AHI1: variants seen among roughly 807,000 people sequenced by gnomAD.
The protein encoded by AHI1 is jouberin.
In AHI1, 123 loss-of-function variants were observed where a neutral mutation model predicts 149.3. The observed-to-expected ratio is 0.82, with a 90% confidence interval of 0.71 to 0.96. The LOEUF (loss-of-function observed/expected upper bound fraction) is 0.96, where lower values mean the gene tolerates loss of function less well. Among genes scored for constraint, AHI1 ranks in the 40% least tolerant of loss-of-function variants. The pLI, the probability that AHI1 is intolerant of heterozygous loss-of-function variation, is 0.00. For synonymous variants in AHI1, 475 were observed against 459.8 expected (o/e 1.03, Z -0.42); for missense variants, 1,439 against 1,422.7 (o/e 1.01, Z -0.18).
rs759208171 is a variant in AHI1 at position 135,447,011 on chromosome 6, C to T, written c.1776G>A (p.Gly592=). ...KEVIKWKRLP[G]QACRIPNKHL... ...CCACTATTATCAAACACTTCACCTG[C>T]CCAGGGAGTCGTTTCCACTTTATTA... is the stretch of plus-strand genomic sequence containing the variant. The change falls in exon 13 of 29, where the codon GGG becomes GGA. Residue 592 remains glycine, a synonymous_variant. Transcript: ENST00000265602. 20 of 1,609,236 alleles carry T rather than the reference C, an allele frequency of 1.2e-5. No individual in the cohort carries two copies. The highest frequency in any genetic ancestry group is 1.7e-5 in the Admixed American group (1 of 59,378).
intron 25 of AHI1, among the ~76,000 whole-genome samples, chr6:135,319,502 G>A (rs1786483495): frequency 6.6e-6 from 1 of 152,092 alleles, no homozygotes; most frequent in African/African-American, 2.4e-5. Context: ...AATTTGGGAA[G>A]ACGATATGAA....
In AHI1 at chr6:135,433,045, G is replaced by GT. The variant is rs1445681647; in HGVS notation, c.2247dup (p.Leu750ThrfsTer4). 10 of 1,611,590 alleles carry GT rather than the reference G, an allele frequency of 6.2e-6. No homozygotes were observed. In the Admixed American group the frequency reaches 8.3e-5, roughly 13 times the overall value. ...GACATACCTTCAGTATCAAAACAAA[G>GT]TGAGTTGATAAAACTTTTGTGAACA... On this transcript the variant is annotated frameshift_variant, in exon 16 of 29. Transcript: ENST00000265602. LOFTEE classifies it high-confidence loss of function.
chr6:135,493,889 A>G (rs988105813), intron 3 of AHI1, among the ~76,000 whole-genome samples: 9 of 152,314 alleles, frequency 5.9e-5, no homozygotes, highest in Non-Finnish European at 8.8e-5. Context: ...CCAAAAATAC[A>G]AAACTTAGTC....
chr6:135,333,709 G>A (rs1047139888), intron 24 of AHI1, among the ~76,000 whole-genome samples: 2 of 152,066 alleles, frequency 1.3e-5, no homozygotes, highest in Admixed American at 6.5e-5. Flanking sequence ...TAAAGGTGTT[G>A]GAAAGAATAC....
At chr6:135,349,409 G>A (rs191544537) in intron 24 of AHI1, among the ~76,000 whole-genome samples, 54 of 152,216 alleles carry the variant, frequency 3.5e-4, no homozygotes, top group East Asian at 1.9e-3. Flanking sequence ...TATACTACAC[G>A]TGTTCTCCAA....
Position 135,285,468 on chromosome 6 carries a change from A to T in AHI1, c.*177T>A. On this transcript the variant is annotated 3_prime_UTR_variant, in exon 29 of 29. Transcript: ENST00000265602. ...ACAACTGAACTCAAAGGCCACGTTG[A>T]TTTTTCCACCCACAACTTGATTCTG... 1.4e-6 allele frequency: 1 copy of T among 696,740 alleles called. No homozygotes were observed. Among genetic ancestry groups the T allele is most frequent in the Non-Finnish European group, 2.5e-6 (1 of 405,362 alleles). The allele number at this position is 696,740 out of a possible 1,614,324, so 43.2% of individuals were successfully genotyped here. A position where few individuals can be genotyped will look rare whatever the true frequency, so the allele number is the denominator to read the frequency against.
At position 135,404,984 on chromosome 6, in the gene AHI1, G is replaced by A; in HGVS notation, c.2962-7C>T. On this transcript the variant is annotated splice_region_variant and splice_polypyrimidine_tract_variant and intron_variant, in intron 21 of 28. Coordinates refer to ENST00000265602, the MANE Select transcript of AHI1 (RefSeq NM_001134831.2). ...CACAGGAACGTATCACCTCCTAAAAGAAATACAATAAAATAAGGAAGTATT... is the reference window on the plus strand; with the variant it reads ...CACAGGAACGTATCACCTCCTAAAAAAAATACAATAAAATAAGGAAGTATT... 1 of 1,601,242 alleles carries A rather than the reference G, an allele frequency of 6.2e-7. No individual in the cohort carries two copies. The highest frequency in any genetic ancestry group is 1.1e-5 in the South Asian group (1 of 90,400).
intron 23 of AHI1, among the ~76,000 whole-genome samples, chr6:135,391,002 T>C (rs1198277594): frequency 6.6e-6 from 1 of 152,238 alleles, no homozygotes; most frequent in Non-Finnish European, 1.5e-5. Flanking sequence ...AATGTTAAAA[T>C]TGTAATTTTT....
At chr6:135,432,610 C>T (rs568205186) in intron 16 of AHI1, among the ~76,000 whole-genome samples, 106 of 152,188 alleles carry the variant, frequency 7.0e-4, no homozygotes, top group African/African-American at 2.6e-3. Flanking sequence ...CCTCAGCCTC[C>T]CAAAGTGCTG....
Position 135,457,624 on chromosome 6 carries a change from C to G in AHI1, c.1021G>C (p.Asp341His). 6.2e-7 allele frequency: 1 copy of G among 1,613,926 alleles called. No individual in the cohort carries two copies. The stretch of plus-strand genomic sequence containing the variant: ...ATGTAAACTCCCAAGACAAGGTCAT[C>G]ATCAAGCAAACATTTGGGATAAACC... ...SPVYPKCLLD[D>H]DLVLGVYIHR... Residue 341 changes from aspartate (D) to histidine (H), a missense_variant, in exon 9 of 29, where the codon GAT becomes CAT. Coordinates refer to ENST00000265602, the MANE Select transcript of AHI1 (RefSeq NM_001134831.2).
chr6:135,297,610 A>G, intron 27 of AHI1: 2 of 436,540 alleles, frequency 4.6e-6, no homozygotes, highest in South Asian at 1.7e-5. Context: ...ATATCTCTCA[A>G]TGCATCTAGC....
chr6:135,395,051 A>T (rs545372483), intron 22 of AHI1, among the ~76,000 whole-genome samples, 155 bp from the exon 23 acceptor site: 1 of 152,182 alleles, frequency 6.6e-6, no homozygotes, highest in South Asian at 2.1e-4. Context: ...TAAACTTTAC[A>T]AAAGAGAATC....
chr6:135,425,300 A>G (rs938783479), intron 20 of AHI1, among the ~76,000 whole-genome samples: 1 of 151,952 alleles, frequency 6.6e-6, no homozygotes, highest in East Asian at 1.9e-4. Context: ...TGGAAATAAC[A>G]TTATGTTTTT....
At chr6:135,340,667 A>ATATATATG (rs1554283224) in intron 24 of AHI1, among the ~76,000 whole-genome samples, 2 of 115,770 alleles carry the variant, frequency 1.7e-5, no homozygotes, top group South Asian at 2.5e-4. Context: ...ACATATATAT[A>ATATATATG]TATATATATA....
At chr6:135,383,068 T>C (rs1777073949) in intron 23 of AHI1, among the ~76,000 whole-genome samples, 1 of 148,874 alleles carries the variant, frequency 6.7e-6, no homozygotes, top group Admixed American at 6.7e-5. Context: ...TATATATGAT[T>C]AATTTGGAGA....
intron 26 of AHI1, among the ~76,000 whole-genome samples, chr6:135,304,159 A>C (rs1441243605): frequency 2.0e-5 from 3 of 152,140 alleles, no homozygotes; most frequent in African/African-American, 7.2e-5. Flanking sequence ...GGCTCAGGCC[A>C]ACCTGTGGCC....
At chr6:135,300,848 A>C in intron 26 of AHI1, 1 of 1,092,558 alleles carries the variant, frequency 9.2e-7, no homozygotes, top group African/African-American at 1.7e-5. Context: ...GTTGTGAATC[A>C]GTTTAAATTA....
In AHI1 at chr6:135,466,303, G is replaced by C. The variant is rs2128098808; in HGVS notation, c.260C>G (p.Thr87Ser). The change falls in exon 7 of 29, where the codon ACT (threonine) becomes AGT (serine). Residue 87 changes from threonine (T) to serine (S), a missense_variant. By Grantham distance (58) the Thr-to-Ser change is moderately conservative. Transcript: ENST00000265602. ...TCTCGTGCTCTTCTTCAGGTTGTTA[G>C]TGTTAGCAGCACTTACATCATCACT... Reference protein sequence around the residue: ...TTSDDVSAANTNNLKKSTRVT... With the variant: ...TTSDDVSAANSNNLKKSTRVT... The C allele has an allele frequency of 6.2e-7, 1 of 1,613,894 alleles. No individual in the cohort carries two copies. Among genetic ancestry groups the C allele is most frequent in the Non-Finnish European group, 8.5e-7 (1 of 1,179,856 alleles).
At chr6:135,413,039 A>G (rs1781828294) in intron 20 of AHI1, among the ~76,000 whole-genome samples, 1 of 152,152 alleles carries the variant, frequency 6.6e-6, no homozygotes. Context: ...TCATTAAAAT[A>G]AAAAAACTTG....
Sources: gnomAD v4.1 joint callset for allele counts (sites outside exome capture counted in the v4.1 genomes callset) on GRCh38, gnomAD v4.1.1 for gene constraint, MANE v1.5 for transcripts, NCBI Gene and HGNC (gene_info 2026-07-23, HGNC 2026-07-21) for gene names.